STAG1: variants seen among roughly 807,000 people sequenced by gnomAD.
STAG1 encodes cohesin subunit SA-1.
A neutral mutation model predicts 170.9 loss-of-function variants in STAG1; 26 were observed. The observed-to-expected ratio is 0.15, with a 90% CI of 0.11 to 0.21. The LOEUF is 0.21. STAG1 is among the 10% of genes least tolerant of loss of function. STAG1 has a pLI of 1.00. For missense variants in STAG1, 964 were observed against 1,509.5 expected (o/e 0.64, Z 5.99); for synonymous variants, 514 against 497.7 (o/e 1.03, Z -0.44).
At chr3:136,528,807 G>T (rs553011141) in intron 6 of STAG1, among the ~76,000 whole-genome samples, 1 of 152,084 alleles carries the variant, frequency 6.6e-6, no homozygotes, top group African/African-American at 2.4e-5. Context: ...GTATGTGCCT[G>T]TATTCCCAGC....
intron 16 of STAG1, among the ~76,000 whole-genome samples, chr3:136,431,846 G>T: frequency 6.6e-6 from 1 of 151,924 alleles, no homozygotes; most frequent in African/African-American, 2.4e-5. Flanking sequence ...AAGATTTTTT[G>T]TCTTTGTCTT....
At chr3:136,734,891 T>A (rs1287881509) in intron 1 of STAG1, among the ~76,000 whole-genome samples, 1 of 152,198 alleles carries the variant, frequency 6.6e-6, no homozygotes, top group Non-Finnish European at 1.5e-5. Flanking sequence ...GGACATTATG[T>A]TAAGTGAAAT....
At chr3:136,632,124 G>GA (rs889151875) in intron 1 of STAG1, among the ~76,000 whole-genome samples, 3 of 150,422 alleles carry the variant, frequency 2.0e-5, no homozygotes, top group Non-Finnish European at 4.4e-5. Flanking sequence ...GACAGAGGGG[G>GA]AAAAAAAAAG....
chr3:136,359,175 G>A lies in STAG1; in HGVS notation c.2909C>T (p.Thr970Ile). 1 of 1,613,068 alleles carries A rather than the reference G, an allele frequency of 6.2e-7. No homozygotes were observed. Among genetic ancestry groups the A allele is most frequent in the Non-Finnish European group, 8.5e-7 (1 of 1,179,506 alleles). Residue 970 changes from threonine (T) to isoleucine (I), a missense_variant, in exon 27 of 34, where the codon ACA becomes ATA. This residue lies in a region of STAG1 where 149 missense variants were observed against 301.3 expected (regional missense o/e 0.49). Coordinates refer to ENST00000383202, the MANE Select transcript of STAG1 (RefSeq NM_005862.3). ...ALTFGLDQIKTREAVATLHKD... is the reference protein window; with the variant it reads ...ALTFGLDQIKIREAVATLHKD... ...GTGAAGTGTGGCAACTGCTTCTCGT[G>A]TCTTAATCTGGTCCAATCCAAATGT...
chr3:136,587,847 T>C (rs1937920082), intron 4 of STAG1, among the ~76,000 whole-genome samples: 1 of 151,740 alleles, frequency 6.6e-6, no homozygotes, highest in African/African-American at 2.4e-5. Flanking sequence ...CTGTAATCCC[T>C]GCTCCTCGCA....
chr3:136,601,430 A>T (rs555661660), intron 4 of STAG1, among the ~76,000 whole-genome samples: 1 of 152,196 alleles, frequency 6.6e-6, no homozygotes, highest in Non-Finnish European at 1.5e-5. Flanking sequence ...CAGTAAGAAG[A>T]AGTTGAAAGG....
At chr3:136,575,689 G>A (rs1477612671) in intron 4 of STAG1, among the ~76,000 whole-genome samples, 2 of 152,146 alleles carry the variant, frequency 1.3e-5, no homozygotes, top group Non-Finnish European at 2.9e-5. Flanking sequence ...TGGGACCTAA[G>A]GTGACATAGG....
intron 10 of STAG1, among the ~76,000 whole-genome samples, chr3:136,474,447 C>T (rs566547475): frequency 1.3e-5 from 2 of 152,208 alleles, no homozygotes; most frequent in African/African-American, 4.8e-5. Flanking sequence ...ATAAAATTAT[C>T]GTAGGGATTA....
At chr3:136,443,234 TG>T (rs1478387395) in intron 15 of STAG1, 52 bp downstream of exon 15, 1 of 1,258,532 alleles carries the variant, frequency 7.9e-7, no homozygotes, top group African/African-American at 1.5e-5. Context: ...ACAACTGTAT[TG>T]CTATCAATGG....
intron 5 of STAG1, among the ~76,000 whole-genome samples, chr3:136,551,828 C>T (rs1936419993): frequency 6.6e-6 from 1 of 152,146 alleles, no homozygotes; most frequent in Admixed American, 6.5e-5. Flanking sequence ...CTCCTGGGCT[C>T]AACTGATCCT....
chr3:136,521,818 T>C (rs535524911), intron 6 of STAG1, among the ~76,000 whole-genome samples: 1 of 152,340 alleles, frequency 6.6e-6, no homozygotes, highest in East Asian at 1.9e-4. Context: ...ACCACATCTT[T>C]CAATATTTTA....
intron 1 of STAG1, among the ~76,000 whole-genome samples, chr3:136,684,262 C>T (rs1415498914): frequency 6.6e-6 from 1 of 152,106 alleles, no homozygotes; most frequent in African/African-American, 2.4e-5. Flanking sequence ...GAAAACTAAC[C>T]GTAGCAACTT....
chr3:136,620,847 T>C (rs7629905), intron 3 of STAG1, among the ~76,000 whole-genome samples: 52,977 of 152,160 alleles, frequency 0.35, 10,357 homozygotes, highest in African/African-American at 0.52. Flanking sequence ...TACTAGATTA[T>C]GTAGTAGTAA....
chr3:136,477,405 T>C lies in STAG1; in HGVS notation c.910A>G (p.Ile304Val), dbSNP rs753635471. The C allele has an allele frequency of 8.1e-6, 13 of 1,609,570 alleles. No homozygotes were observed. The highest frequency in any genetic ancestry group is 1.7e-5 in the Admixed American group (1 of 59,616). ...ATACAAATGGCTCTAATCTCAGCAA[T>C]AGCATCACTAGAGAGAGAAAAAAAA... Reference protein sequence around the residue: ...GIFVHRYRDAIAEIRAICIEE... With the variant: ...GIFVHRYRDAVAEIRAICIEE... Residue 304 changes from isoleucine (I) to valine (V), a missense_variant, in exon 10 of 34, where the codon ATT becomes GTT. Around this residue, in one of 11 missense-constraint regions of STAG1, gnomAD observed 57 missense variants for 157.6 expected, o/e 0.36. Transcript: ENST00000383202.
intron 2 of STAG1, among the ~76,000 whole-genome samples, chr3:136,625,071 A>G (rs1940037057): frequency 6.6e-6 from 1 of 152,236 alleles, no homozygotes; most frequent in South Asian, 2.1e-4. Context: ...TCACAGGCCA[A>G]TACAAGCTGG....
intron 1 of STAG1, among the ~76,000 whole-genome samples, chr3:136,692,461 C>G (rs945051984): frequency 6.6e-6 from 1 of 151,806 alleles, no homozygotes; most frequent in Non-Finnish European, 1.5e-5. Flanking sequence ...ATGGTGAAAC[C>G]CTACCTCTAC....
At chr3:136,417,796 T>G in intron 21 of STAG1, 89 bp downstream of exon 21, 1 of 938,950 alleles carries the variant, frequency 1.1e-6, no homozygotes, top group East Asian at 2.5e-5. Context: ...AATCGTCAAT[T>G]ACTTTCTATA....
intron 16 of STAG1, among the ~76,000 whole-genome samples, chr3:136,423,842 G>C (rs532290050): frequency 2.0e-5 from 3 of 151,896 alleles, no homozygotes; most frequent in East Asian, 3.9e-4. Flanking sequence ...CTGCCTATTT[G>C]ATTGTTCAGT....
At chr3:136,410,246 A>G (rs2087589395) in intron 21 of STAG1, among the ~76,000 whole-genome samples, 1 of 151,926 alleles carries the variant, frequency 6.6e-6, no homozygotes, top group Admixed American at 6.6e-5. Context: ...CTAAAAATAC[A>G]AAAATTATCT....
Sources: allele counts gnomAD v4.1 joint callset (sites outside exome capture counted in the v4.1 genomes callset), GRCh38; gene constraint gnomAD v4.1.1; regional missense constraint gnomAD v4.1.1; transcripts MANE v1.5; gene names NCBI Gene and HGNC (gene_info 2026-07-23, HGNC 2026-07-21).